RIMS1: variants seen among roughly 807,000 people sequenced by gnomAD.
RIMS1 encodes regulating synaptic membrane exocytosis protein 1.
A neutral mutation model predicts 214.1 loss-of-function variants in RIMS1; 83 were observed. That is an observed-to-expected ratio of 0.39 (90% CI 0.32 to 0.47). The LOEUF (loss-of-function observed/expected upper bound fraction) is 0.47. Ranked by LOEUF, RIMS1 falls within the 20% of genes least tolerant of loss-of-function variation. The pLI is 0.99. For missense variants in RIMS1, 2,050 were observed against 2,161.8 expected, an observed-to-expected ratio of 0.95 and a Z score of 1.03; for synonymous variants, 793 against 786.8, an observed-to-expected ratio of 1.01 and a Z score of -0.13.
chr6:71,942,879 G>A (rs1786588191), intron 1 of RIMS1, among the ~76,000 whole-genome samples: 1 of 151,874 alleles, frequency 6.6e-6, no homozygotes. Flanking sequence ...TGAAAAATGT[G>A]TACAAATATT....
intron 2 of RIMS1, among the ~76,000 whole-genome samples, chr6:72,017,398 G>T (rs1359335825): frequency 6.6e-6 from 1 of 152,164 alleles, no homozygotes. Flanking sequence ...GGTATACAGT[G>T]CCTCTGTAGA....
intron 24 of RIMS1, among the ~76,000 whole-genome samples, chr6:72,286,303 TGATA>T (rs1256225085): frequency 1.3e-5 from 2 of 152,034 alleles, no homozygotes; most frequent in African/African-American, 4.8e-5. Flanking sequence ...TTTTAGAAAA[TGATA>T]GATGATGCCA....
At chr6:72,311,532 G>T (rs2095509271) in intron 27 of RIMS1, among the ~76,000 whole-genome samples, 1 of 152,052 alleles carries the variant, frequency 6.6e-6, no homozygotes, top group Non-Finnish European at 1.5e-5. Context: ...GCTCAGTTTA[G>T]ATATAATAAC....
chr6:72,009,307 T>C (rs1001037876), intron 2 of RIMS1, among the ~76,000 whole-genome samples: 13 of 152,182 alleles, frequency 8.5e-5, no homozygotes, highest in African/African-American at 1.9e-4. Context: ...CCAGAATCTC[T>C]GGGACACATT....
intron 1 of RIMS1, among the ~76,000 whole-genome samples, chr6:71,909,206 A>G (rs1241520583): frequency 6.6e-6 from 1 of 152,152 alleles, no homozygotes; most frequent in Non-Finnish European, 1.5e-5. Context: ...CAGGTTGGCC[A>G]GGCTGGTCTC....
intron 4 of RIMS1, among the ~76,000 whole-genome samples, chr6:72,140,120 G>T (rs909242509): frequency 3.3e-5 from 5 of 152,046 alleles, no homozygotes; most frequent in African/African-American, 9.7e-5. Flanking sequence ...AGCTATCTTG[G>T]TTTAGAAAAC....
intron 2 of RIMS1, among the ~76,000 whole-genome samples, chr6:72,053,895 T>C (rs955959015): frequency 6.6e-6 from 1 of 152,120 alleles, no homozygotes; most frequent in Non-Finnish European, 1.5e-5. Flanking sequence ...CCAAATTTCA[T>C]TGTATTATTT....
chr6:72,112,744 C>T (rs1016515075), intron 4 of RIMS1, among the ~76,000 whole-genome samples: 1 of 152,162 alleles, frequency 6.6e-6, no homozygotes, highest in African/African-American at 2.4e-5. Context: ...AACCATAGAA[C>T]ATCCTTTCTT....
chr6:72,077,860 T>A (rs1832311571), intron 2 of RIMS1, among the ~76,000 whole-genome samples: 1 of 152,186 alleles, frequency 6.6e-6, no homozygotes. Context: ...AATAATGCCC[T>A]TACTTAGGGG....
chr6:72,297,779 A>G (rs2094237426), intron 26 of RIMS1, among the ~76,000 whole-genome samples: 1 of 152,052 alleles, frequency 6.6e-6, no homozygotes, highest in South Asian at 2.1e-4. Context: ...TTAGCCACTG[A>G]ACGTGGCTCT....
At chr6:71,960,320 A>C (rs1271939088) in intron 1 of RIMS1, among the ~76,000 whole-genome samples, 1 of 152,168 alleles carries the variant, frequency 6.6e-6, no homozygotes, top group Non-Finnish European at 1.5e-5. Flanking sequence ...AATGGGGCAC[A>C]TAAGTTAGCT....
At chr6:72,163,048 T>C (rs1439488930) in intron 4 of RIMS1, among the ~76,000 whole-genome samples, 1 of 134,624 alleles carries the variant, frequency 7.4e-6, no homozygotes, top group African/African-American at 2.5e-5. Context: ...ATTTGGTCTT[T>C]TCACATAGTC....
At chr6:72,181,615 C>A (rs2048412942) in intron 5 of RIMS1, among the ~76,000 whole-genome samples, 2 of 152,078 alleles carry the variant, frequency 1.3e-5, no homozygotes, top group Admixed American at 1.3e-4. Context: ...TTGATAGGGA[C>A]AAATAACTTT....
chr6:72,357,015 A>T lies in RIMS1; in HGVS notation c.4366+23180A>T, dbSNP rs569115466. Among the ~76,000 whole-genome samples the T allele has an allele frequency of 3.3e-5, 5 of 152,274 alleles. No homozygotes were observed. The South Asian group carries it at 8.3e-4, about 25-fold the overall frequency. On this transcript the variant is annotated intron_variant, in intron 29 of 33. Transcript: ENST00000521978. ...GTGAACAGCAAAGATTTTTTATTGCAGCTATAGGATCTGTGACTACAGGAT... is the reference window on the plus strand; with the variant it reads ...GTGAACAGCAAAGATTTTTTATTGCTGCTATAGGATCTGTGACTACAGGAT...
chr6:72,397,811 T>C (rs945288921), intron 31 of RIMS1, among the ~76,000 whole-genome samples: 1 of 152,120 alleles, frequency 6.6e-6, no homozygotes, highest in African/African-American at 2.4e-5. Context: ...GATAAATAGA[T>C]AGATAGACAG....
At chr6:72,313,461 A>C in intron 27 of RIMS1, 45 bp from the exon 28 acceptor site, 1 of 1,571,644 alleles carries the variant, frequency 6.4e-7, no homozygotes, top group Non-Finnish European at 8.7e-7. Context: ...TGTTTTTTCC[A>C]TTGTCTAATG....
chr6:72,180,371 G>A (rs971883948), intron 5 of RIMS1, among the ~76,000 whole-genome samples: 3 of 152,208 alleles, frequency 2.0e-5, no homozygotes, highest in African/African-American at 7.2e-5. Context: ...CAGGAGAAGG[G>A]AAGGATGGGT....
intron 1 of RIMS1, among the ~76,000 whole-genome samples, chr6:71,946,750 A>G (rs2151077094): frequency 6.6e-6 from 1 of 152,098 alleles, no homozygotes; most frequent in Non-Finnish European, 1.5e-5. Flanking sequence ...ATGACCCCAA[A>G]AGTATAGGCA....
At chr6:72,246,977 G>C (rs2070196447) in intron 11 of RIMS1, among the ~76,000 whole-genome samples, 1 of 152,112 alleles carries the variant, frequency 6.6e-6, no homozygotes, top group Non-Finnish European at 1.5e-5. Context: ...GAATTAATTT[G>C]TACTTATAGA....
Sources: gnomAD v4.1 joint callset for allele counts (sites outside exome capture counted in the v4.1 genomes callset) on GRCh38, gnomAD v4.1.1 for gene constraint, MANE v1.5 for transcripts, NCBI Gene and HGNC (gene_info 2026-07-23, HGNC 2026-07-21) for gene names.